TRAF3IP2: variants seen among roughly 807,000 people sequenced by gnomAD.
The protein encoded by TRAF3IP2 is TRAF3 interacting protein 2.
Under a neutral mutation model 57.9 loss-of-function variants are expected in TRAF3IP2, and 35 were observed. The observed-to-expected ratio is 0.60, with a 90% confidence interval of 0.46 to 0.80. The LOEUF (loss-of-function observed/expected upper bound fraction) is 0.80. TRAF3IP2 is among the 30% of genes least tolerant of loss of function. TRAF3IP2 has a pLI of 0.00. For synonymous variants in TRAF3IP2, 251 were observed against 268.9 expected (o/e 0.93, Z 0.65); for missense variants, 556 against 706.4 (o/e 0.79, Z 2.41).
chr6:111,589,185 C>T (rs1160267982), intron 2 of TRAF3IP2, among the ~76,000 whole-genome samples: 1 of 150,866 alleles, frequency 6.6e-6, no homozygotes, highest in Non-Finnish European at 1.5e-5. Context: ...CTCAGTCTCC[C>T]GAGTAGCTGG....
chr6:111,562,947 G>T lies in TRAF3IP2; in HGVS notation c.1551+18C>A. 6.3e-7 allele frequency: 1 copy of T among 1,585,654 alleles called. No homozygotes were observed. The highest frequency in any genetic ancestry group is 1.7e-5 in the Admixed American group (1 of 59,548). ...CCAAAGATTGAATTATGAGGATTTT[G>T]TTTCTTTGTTTGTTTACCTTCTTAG... On this transcript the variant is annotated intron_variant, in intron 8 of 8. Coordinates refer to ENST00000368761, the MANE Select transcript of TRAF3IP2 (RefSeq NM_147686.4).
At position 111,559,048 on chromosome 6, in the gene TRAF3IP2, T is replaced by G. The variant is rs746297105; in HGVS notation, c.*357A>C. 1 of 198,138 alleles carries G rather than the reference T, an allele frequency of 5.0e-6. No individual in the cohort carries two copies. Among genetic ancestry groups the G allele is most frequent in the Non-Finnish European group, 1.0e-5 (1 of 97,778 alleles). The allele number at this position is 198,138 out of a possible 1,614,324, so 12.3% of individuals were successfully genotyped here. On this transcript the variant is annotated 3_prime_UTR_variant, in exon 9 of 9. Transcript: ENST00000368761. ...TAGCCTGAAGTGATTGATAGGAGAG[T>G]GTTTGTAGTCATTTCCATTTGCTGC...
chr6:111,574,157 A>T (rs1795910138), intron 4 of TRAF3IP2, among the ~76,000 whole-genome samples: 1 of 152,252 alleles, frequency 6.6e-6, no homozygotes, highest in African/African-American at 2.4e-5. Flanking sequence ...TTAAGATCTT[A>T]AGAAAGTGTT....
rs772634303 is a variant in TRAF3IP2 at position 111,557,293 on chromosome 6, C to A, written c.*2112G>T. The A allele has an allele frequency of 6.6e-6, 1 of 151,876 alleles. No individual in the cohort carries two copies. Among genetic ancestry groups the A allele is most frequent in the African/African-American group, 2.4e-5 (1 of 41,312 alleles). The allele number at this position is 151,876 out of a possible 1,614,324, so 9.4% of individuals were successfully genotyped here. A position where few individuals can be genotyped will look rare whatever the true frequency, so the allele number is the denominator to read the frequency against. On this transcript the variant is annotated 3_prime_UTR_variant, in exon 9 of 9. Transcript: ENST00000368761. ...AAAGCCATCCCACCTTTATAGTTTA[C>A]GTAGATTTGATACATGTATACATAT...
chr6:111,557,744 G>A lies in TRAF3IP2; in HGVS notation c.*1661C>T, dbSNP rs926059623. ...TATTTTTTAAAAGAGGAAAATGTTG[G>A]CTGGGTGTGGTGGCTCACACCTGTA... is the stretch of plus-strand genomic sequence containing the variant. On this transcript the variant is annotated 3_prime_UTR_variant, in exon 9 of 9. Transcript: ENST00000368761. 2.6e-5 allele frequency: 4 copies of A among 151,824 alleles called. No homozygotes were observed. Among genetic ancestry groups the A allele is most frequent in the African/African-American group, 9.7e-5 (4 of 41,372 alleles). The allele number at this position is 151,824 out of a possible 1,614,324, so 9.4% of individuals were successfully genotyped here.
At position 111,558,152 on chromosome 6, in the gene TRAF3IP2, A is replaced by ATCT. The variant is rs1795308832; in HGVS notation, c.*1250_*1252dup. The ATCT allele has an allele frequency of 6.6e-6, 1 of 152,220 alleles. No homozygotes were observed. Among genetic ancestry groups the ATCT allele is most frequent in the Non-Finnish European group, 1.5e-5 (1 of 68,030 alleles). The allele number at this position is 152,220 out of a possible 1,614,324, so 9.4% of individuals were successfully genotyped here. A position where few individuals can be genotyped will look rare whatever the true frequency, so the allele number is the denominator to read the frequency against. Reference sequence around the variant, plus strand: ...TTAGAATTTAGGTCCTAGACTTCAAATCTTTTAGAGTGATTAGAGATGCTT... The same window carrying ATCT: ...TTAGAATTTAGGTCCTAGACTTCAAATCTTCTTTTAGAGTGATTAGAGATGCTT... On this transcript the variant is annotated 3_prime_UTR_variant, in exon 9 of 9. Coordinates refer to ENST00000368761, the MANE Select transcript of TRAF3IP2 (RefSeq NM_147686.4).
chr6:111,581,734 T>C (rs1319056086), intron 2 of TRAF3IP2, among the ~76,000 whole-genome samples: 1 of 141,120 alleles, frequency 7.1e-6, no homozygotes, highest in Non-Finnish European at 1.5e-5. Context: ...TCCCAGCACT[T>C]TGGGTGGCCG....
chr6:111,559,603 G>A (rs1562415865), intron 8 of TRAF3IP2, 52 bp from the exon 9 acceptor site: 1 of 1,589,428 alleles, frequency 6.3e-7, no homozygotes, highest in East Asian at 2.2e-5. Flanking sequence ...AAACCTGGAT[G>A]CCAGATCCCA....
intron 2 of TRAF3IP2, among the ~76,000 whole-genome samples, chr6:111,588,916 A>G (rs1023298548): frequency 6.6e-6 from 1 of 152,200 alleles, no homozygotes; most frequent in Non-Finnish European, 1.5e-5. Context: ...AAATATATGC[A>G]AAGAAAAAAA....
At chr6:111,600,387 A>G (rs886960918) in intron 1 of TRAF3IP2, 10 of 152,230 alleles carry the variant, frequency 6.6e-5, no homozygotes, top group African/African-American at 2.4e-4. Context: ...CCTAGGCCAT[A>G]AGCAGGGTAC....
At chr6:111,566,712 C>T in intron 6 of TRAF3IP2, 152 bp from the exon 7 acceptor site, 4 of 756,782 alleles carry the variant, frequency 5.3e-6, no homozygotes, top group Non-Finnish European at 9.4e-6. Context: ...CTGCTTCTCC[C>T]TTCTGTCTCC....
chr6:111,596,018 T>C (rs2128384452), intron 1 of TRAF3IP2, among the ~76,000 whole-genome samples: 1 of 152,144 alleles, frequency 6.6e-6, no homozygotes, highest in East Asian at 1.9e-4. Flanking sequence ...TGGAACACCC[T>C]TCCCCCACAC....
At chr6:111,562,856 AAAAG>A in intron 8 of TRAF3IP2, 105 bp downstream of exon 8, 4 of 917,452 alleles carry the variant, frequency 4.4e-6, no homozygotes, top group Non-Finnish European at 6.5e-6. Context: ...AAAAAAAAAA[AAAAG>A]AAAAGAAAGA....
chr6:111,604,986 C>G (rs1562441161), intron 1 of TRAF3IP2, among the ~76,000 whole-genome samples: 2 of 152,000 alleles, frequency 1.3e-5, no homozygotes. Context: ...TTAGTGGAGT[C>G]AGAGTGAATT....
At chr6:111,563,669 G>T (rs781110459) in intron 7 of TRAF3IP2, among the ~76,000 whole-genome samples, 12 of 152,250 alleles carry the variant, frequency 7.9e-5, no homozygotes, top group Non-Finnish European at 1.8e-4. Context: ...GTCAAGTAGG[G>T]AAAACAGAGG....
chr6:111,586,324 T>A (rs1213571294), intron 2 of TRAF3IP2, among the ~76,000 whole-genome samples: 4 of 152,156 alleles, frequency 2.6e-5, no homozygotes, highest in African/African-American at 9.7e-5. Flanking sequence ...AGCAATAATT[T>A]TATAATAAAA....
chr6:111,579,412 C>A (rs1796091488), intron 3 of TRAF3IP2, among the ~76,000 whole-genome samples: 2 of 149,084 alleles, frequency 1.3e-5, no homozygotes, highest in Non-Finnish European at 3.0e-5. Flanking sequence ...TAATGGTACT[C>A]AACATGTATG....
chr6:111,566,633 G>C lies in TRAF3IP2; in HGVS notation c.1360-73C>G, dbSNP rs959400844. 130 of 1,296,216 alleles carry C rather than the reference G, an allele frequency of 1.0e-4. No homozygotes were observed. The African/African-American group carries it at 1.4e-3, about 14-fold the overall frequency. The allele number at this position is 1,296,216 out of a possible 1,614,324, so 80.3% of individuals were successfully genotyped here. ...GACTGTGGGCATTCTCTGACACACG[G>C]GGTGGAGGGCCAGGCTCATTCTCCA... On this transcript the variant is annotated intron_variant, in intron 6 of 8. Coordinates refer to ENST00000368761, the MANE Select transcript of TRAF3IP2 (RefSeq NM_147686.4).
At chr6:111,592,845 T>C (rs990258695) in intron 1 of TRAF3IP2, among the ~76,000 whole-genome samples, 1 of 152,162 alleles carries the variant, frequency 6.6e-6, no homozygotes, top group South Asian at 2.1e-4. Flanking sequence ...TTTAGGTCAT[T>C]TGGAGGACTT....
Sources: allele counts gnomAD v4.1 joint callset (sites outside exome capture counted in the v4.1 genomes callset), GRCh38; gene constraint gnomAD v4.1.1; transcripts MANE v1.5; gene names NCBI Gene and HGNC (gene_info 2026-07-23, HGNC 2026-07-21).